EIF3J: variants seen among roughly 807,000 people sequenced by gnomAD.
EIF3J encodes the protein eukaryotic translation initiation factor 3, subunit 1 (alpha, 35kD).
A neutral mutation model predicts 39.0 loss-of-function variants in EIF3J; 15 were observed. That is an observed-to-expected ratio of 0.38 (90% confidence interval 0.26 to 0.59). The LOEUF (loss-of-function observed/expected upper bound fraction) is 0.59. Ranked by LOEUF, EIF3J falls within the 20% of genes least tolerant of loss-of-function variation. The pLI, the probability that EIF3J is intolerant of heterozygous loss-of-function variation, is 0.60. For missense variants in EIF3J, 226 were observed against 308.6 expected (o/e 0.73, Z 2.00); for synonymous variants, 98 against 112.9 (o/e 0.87, Z 0.84).
At chr15:44,544,239 T>G (rs1439448158) in intron 2 of EIF3J, among the ~76,000 whole-genome samples, 1 of 151,334 alleles carries the variant, frequency 6.6e-6, no homozygotes, top group Non-Finnish European at 1.5e-5. Context: ...GGACCACAGG[T>G]GCACACCACC....
At chr15:44,556,655 T>G (rs1001234973) in intron 5 of EIF3J, among the ~76,000 whole-genome samples, 5 of 152,098 alleles carry the variant, frequency 3.3e-5, no homozygotes, top group Non-Finnish European at 7.4e-5. Context: ...TACAGATACA[T>G]GCCACCACCA....
At chr15:44,543,218 G>T (rs1458634713) in intron 2 of EIF3J, among the ~76,000 whole-genome samples, 1 of 152,122 alleles carries the variant, frequency 6.6e-6, no homozygotes, top group East Asian at 1.9e-4. Flanking sequence ...AATTACATCT[G>T]TTTGGAAGTG....
rs1567118215 is a variant in EIF3J at position 44,551,414 on chromosome 15, C to T, written c.203-17C>T. The T allele has an allele frequency of 6.6e-7, 1 of 1,510,852 alleles. No homozygotes were observed. Among genetic ancestry groups the T allele is most frequent in the Admixed American group, 2.0e-5 (1 of 49,056 alleles). 93.6% of individuals were successfully genotyped at this position (1,510,852 alleles called of 1,614,324 possible). On this transcript the variant is annotated splice_polypyrimidine_tract_variant and intron_variant, in intron 3 of 7. Transcript: ENST00000261868. ...AAATACTCAGTATAACTGAATAAAA[C>T]TTTTTTTTACTTTTAGAGGTAAAAA...
intron 2 of EIF3J, among the ~76,000 whole-genome samples, chr15:44,541,678 A>T (rs1019836977): frequency 1.5e-4 from 23 of 152,270 alleles, no homozygotes; most frequent in African/African-American, 5.5e-4. Context: ...TGTATTTTAC[A>T]GAATGTGAAA....
At position 44,550,893 on chromosome 15, in the gene EIF3J, T is replaced by C. The variant is rs749313160; in HGVS notation, c.165T>C (p.Asp55=). 2 of 1,608,418 alleles carry C rather than the reference T, an allele frequency of 1.2e-6. 1 individual carries two copies. Among genetic ancestry groups the C allele is most frequent in the Non-Finnish European group, 1.7e-6 (2 of 1,176,262 alleles). Residue 55 remains aspartate, a synonymous_variant, in exon 3 of 8, where the codon GAT becomes GAC. Coordinates refer to ENST00000261868, the MANE Select transcript of EIF3J (RefSeq NM_003758.4). ...DEDVKDNWDD[D]DDEKKEEAEV... ...TTCTTTAGGATAACTGGGATGACGA[T>C]GATGATGAAAAAAAAGAGGAAGCAG...
chr15:44,560,368 G>C (rs779056171), intron 7 of EIF3J, 46 bp downstream of exon 7: 1 of 1,555,018 alleles, frequency 6.4e-7, no homozygotes, highest in Non-Finnish European at 8.8e-7. Flanking sequence ...TTAGAGTGGG[G>C]TTATAGGTCT....
chr15:44,540,266 TA>T (rs1395410175), intron 2 of EIF3J, among the ~76,000 whole-genome samples: 2,832 of 41,642 alleles, frequency 0.068, 41 homozygotes, highest in Non-Finnish European at 0.094. Flanking sequence ...TATATATATA[TA>T]TTTTTTTTTT....
rs1377061062 is a variant in EIF3J, at chr15:44,561,392, T to C, written c.*243T>C. The C allele has an allele frequency of 3.0e-5, 9 of 303,782 alleles. No individual in the cohort carries two copies. The highest frequency in any genetic ancestry group is 5.6e-5 in the Non-Finnish European group (9 of 161,258). 18.8% of individuals were successfully genotyped at this position (303,782 alleles called of 1,614,324 possible). On this transcript the variant is annotated 3_prime_UTR_variant, in exon 8 of 8. Transcript: ENST00000261868. ...TAAATCATAGTTCAAAACCTAATAA[T>C]GTTGTCGTTGTTGCTATCTGATTTC... is the stretch of plus-strand genomic sequence containing the variant.
At chr15:44,551,922 C>T (rs958915147) in intron 4 of EIF3J, among the ~76,000 whole-genome samples, 4 of 151,912 alleles carry the variant, frequency 2.6e-5, no homozygotes, top group East Asian at 1.9e-4. Flanking sequence ...CTCTGCCTCC[C>T]GAATTCAAGC....
In EIF3J at chr15:44,540,107, T is replaced by A. The variant is rs188584236; in HGVS notation, c.147+2680T>A. ...GCGCCCACCACCACACCCAGCTAAT[T>A]TTTGTATTTTTAGTAGAGACGGGGT... On this transcript the variant is annotated intron_variant, in intron 2 of 7. Transcript: ENST00000261868. Among the ~76,000 whole-genome samples, 946 of 150,408 alleles carry A rather than the reference T, an allele frequency of 6.3e-3. 10 individuals carry two copies. Among genetic ancestry groups the A allele is most frequent in the African/African-American group, 0.021 (872 of 41,070 alleles).
At chr15:44,558,425 A>C (rs999300991) in intron 6 of EIF3J, among the ~76,000 whole-genome samples, 25 of 151,828 alleles carry the variant, frequency 1.6e-4, no homozygotes, top group African/African-American at 6.0e-4. Flanking sequence ...TAACAAGGTG[A>C]AGCTGAGGCA....
chr15:44,560,458 G>A (rs2082182536), intron 7 of EIF3J, 136 bp downstream of exon 7: 1 of 740,616 alleles, frequency 1.4e-6, no homozygotes, highest in African/African-American at 1.8e-5. Flanking sequence ...TAGACTAGAA[G>A]AGGAGTATGG....
chr15:44,557,556 T>A lies in EIF3J; in HGVS notation c.477T>A (p.Phe159Leu). The A allele has an allele frequency of 6.4e-7, 1 of 1,554,532 alleles. No individual in the cohort carries two copies. Among genetic ancestry groups the A allele is most frequent in the Non-Finnish European group, 8.7e-7 (1 of 1,153,038 alleles). ...CTTCAAGAGATGACTTTACAGAGTT[T>A]GGAAAGTTACTAAAAGATAAAATTA... ...NPSSRDDFTE[F>L]GKLLKDKITQ... The change falls in exon 6 of 8, where the codon TTT becomes TTA. Residue 159 changes from phenylalanine to leucine, a missense_variant. This residue lies in a region of EIF3J where 83 missense variants were observed against 152.6 expected (regional missense o/e 0.54). Coordinates refer to ENST00000261868, the MANE Select transcript of EIF3J (RefSeq NM_003758.4).
intron 4 of EIF3J, among the ~76,000 whole-genome samples, chr15:44,553,461 C>T (rs1224666389): frequency 6.6e-6 from 1 of 150,756 alleles, no homozygotes; most frequent in African/African-American, 2.4e-5. Flanking sequence ...CACTGCACTC[C>T]AGCCCGGGCG....
At chr15:44,557,322 C>T (rs949791784) in intron 5 of EIF3J, among the ~76,000 whole-genome samples, 167 bp from the exon 6 acceptor site, 1 of 151,956 alleles carries the variant, frequency 6.6e-6, no homozygotes. Context: ...TAACCCCCCT[C>T]CCCCCTCACC....
chr15:44,553,349 G>A (rs922044551), intron 4 of EIF3J, among the ~76,000 whole-genome samples: 2 of 151,854 alleles, frequency 1.3e-5, no homozygotes, highest in African/African-American at 4.8e-5. Context: ...AAAATTAGAC[G>A]GGCGTGGTGG....
At chr15:44,540,468 C>T (rs879775398) in intron 2 of EIF3J, among the ~76,000 whole-genome samples, 5 of 150,800 alleles carry the variant, frequency 3.3e-5, no homozygotes, top group East Asian at 1.9e-4. Flanking sequence ...GGTGGAGTTT[C>T]GCCAAGTTGC....
chr15:44,537,564 C>A (rs1567114202), intron 2 of EIF3J, 137 bp downstream of exon 2: 2 of 898,940 alleles, frequency 2.2e-6, no homozygotes, highest in Non-Finnish European at 3.1e-6. Flanking sequence ...GTGCTCTCTT[C>A]CCCTCCGCTT....
At chr15:44,553,538 T>C (rs2082118897) in intron 4 of EIF3J, among the ~76,000 whole-genome samples, 1 of 151,842 alleles carries the variant, frequency 6.6e-6, no homozygotes, top group Non-Finnish European at 1.5e-5. Flanking sequence ...AAAGAGAAGA[T>C]AGATATACAC....
Sources: allele counts gnomAD v4.1 joint callset (sites outside exome capture counted in the v4.1 genomes callset), GRCh38; gene constraint gnomAD v4.1.1; regional missense constraint gnomAD v4.1.1; transcripts MANE v1.5; gene names NCBI Gene and HGNC (gene_info 2026-07-23, HGNC 2026-07-21).